Variants in ITGA9 observed in about 807,000 individuals in gnomAD.
ITGA9 encodes the protein integrin alpha-9.
Under a neutral mutation model 127.8 loss-of-function variants are expected in ITGA9, and 56 were observed. The observed-to-expected ratio is 0.44, with a 90% confidence interval of 0.35 to 0.55. ITGA9 has a LOEUF of 0.55. Among genes scored for constraint, ITGA9 ranks in the 20% least tolerant of loss-of-function variants. The pLI is 0.00. For synonymous variants in ITGA9, 508 were observed against 514.5 expected (o/e 0.99, Z 0.17); for missense variants, 1,196 against 1,347.1 (o/e 0.89, Z 1.76).
intron 16 of ITGA9, among the ~76,000 whole-genome samples, chr3:37,644,945 T>G (rs1339926952): frequency 1.3e-5 from 2 of 152,184 alleles, no homozygotes; most frequent in Non-Finnish European, 2.9e-5. Flanking sequence ...CGTTTAGGCA[T>G]GGGGCTGAAT....
intron 15 of ITGA9, among the ~76,000 whole-genome samples, chr3:37,599,299 GTGT>G (rs1699895754): frequency 6.6e-6 from 1 of 152,208 alleles, no homozygotes; most frequent in African/African-American, 2.4e-5. Context: ...GCTCACTCAT[GTGT>G]TAGGGTTCAG....
chr3:37,608,920 C>A (rs1418147615), intron 15 of ITGA9, among the ~76,000 whole-genome samples: 2 of 152,156 alleles, frequency 1.3e-5, no homozygotes, highest in Non-Finnish European at 2.9e-5. Flanking sequence ...CTCCAGATTC[C>A]TTGCACTGGA....
At chr3:37,774,897 A>C (rs1321110730) in intron 23 of ITGA9, among the ~76,000 whole-genome samples, 1 of 152,244 alleles carries the variant, frequency 6.6e-6, no homozygotes, top group Non-Finnish European at 1.5e-5. Context: ...TAAATCCTGG[A>C]ATGTATTCAG....
intron 15 of ITGA9, among the ~76,000 whole-genome samples, chr3:37,583,339 G>A (rs1699727647): frequency 6.6e-6 from 1 of 152,166 alleles, no homozygotes; most frequent in South Asian, 2.1e-4. Context: ...TGTATGTTGA[G>A]CACCTAGAAA....
chr3:37,511,582 A>G lies in ITGA9; in HGVS notation c.898-2181A>G, dbSNP rs72867546. 8.5e-3 allele frequency among the ~76,000 whole-genome samples: 1,301 copies of G among 152,282 alleles called. 14 individuals are homozygous for G. The highest frequency in any genetic ancestry group is 0.029 in the African/African-American group (1,220 of 41,542). ...CTCTTTGGGTCTTTGCCTGTGTCTT[A>G]CTGATTTCTTTTACCAAAGCTCAGA... On this transcript the variant is annotated intron_variant, in intron 8 of 27. Transcript: ENST00000264741.
intron 18 of ITGA9, among the ~76,000 whole-genome samples, chr3:37,690,601 C>G (rs1235916805): frequency 6.6e-6 from 1 of 152,096 alleles, no homozygotes; most frequent in East Asian, 1.9e-4. Context: ...AAGCTTCAAG[C>G]CAGGTGCATG....
At chr3:37,675,853 C>T (rs1206963194) in intron 17 of ITGA9, among the ~76,000 whole-genome samples, 3 of 150,320 alleles carry the variant, frequency 2.0e-5, no homozygotes, top group Non-Finnish European at 4.4e-5. Context: ...CAGCCATTCT[C>T]CTGCCTCAGC....
intron 17 of ITGA9, among the ~76,000 whole-genome samples, chr3:37,669,021 C>G (rs1444710671): frequency 6.6e-6 from 1 of 152,184 alleles, no homozygotes; most frequent in Non-Finnish European, 1.5e-5. Context: ...TTTAACGTGA[C>G]CTGTCCGTAA....
intron 15 of ITGA9, among the ~76,000 whole-genome samples, chr3:37,612,774 C>G (rs1426843063): frequency 6.6e-6 from 1 of 152,212 alleles, no homozygotes; most frequent in Non-Finnish European, 1.5e-5. Flanking sequence ...CATTACTAAT[C>G]TGTGGATAGT....
intron 8 of ITGA9, among the ~76,000 whole-genome samples, chr3:37,513,032 C>T (rs1022732251): frequency 6.6e-6 from 1 of 152,208 alleles, no homozygotes; most frequent in African/African-American, 2.4e-5. Flanking sequence ...CTCATGCCTT[C>T]CTAACCAATC....
intron 3 of ITGA9, among the ~76,000 whole-genome samples, chr3:37,475,413 A>G (rs1339370914): frequency 2.0e-5 from 3 of 152,228 alleles, no homozygotes. Flanking sequence ...GCTTGTTTCC[A>G]GAGGGGCAAG....
In ITGA9 at chr3:37,526,152, C is replaced by G; in HGVS notation, c.1373+81C>G. 18 of 1,207,384 alleles carry G rather than the reference C, an allele frequency of 1.5e-5. 1 individual carries two copies. In the South Asian group the frequency reaches 2.0e-4, roughly 14 times the overall value. The allele number at this position is 1,207,384 out of a possible 1,614,324, so 74.8% of individuals were successfully genotyped here. ...CCATTCACCATTCATGGGCTCTTTC[C>G]TCTGTCCTGTTCCTTGTAGGCTGGA... On this transcript the variant is annotated intron_variant, in intron 13 of 27. Transcript: ENST00000264741.
At chr3:37,545,978 C>A (rs1253834758) in intron 15 of ITGA9, among the ~76,000 whole-genome samples, 3 of 152,178 alleles carry the variant, frequency 2.0e-5, no homozygotes, top group Non-Finnish European at 2.9e-5. Flanking sequence ...TCATGTAGAA[C>A]CATCTACCAC....
chr3:37,595,799 C>T (rs1699864551), intron 15 of ITGA9, among the ~76,000 whole-genome samples: 1 of 152,214 alleles, frequency 6.6e-6, no homozygotes, highest in Non-Finnish European at 1.5e-5. Flanking sequence ...TGTGTGGCAG[C>T]AGAAGGCAAT....
At chr3:37,454,200 C>G (rs1698233241) in intron 1 of ITGA9, among the ~76,000 whole-genome samples, 1 of 152,190 alleles carries the variant, frequency 6.6e-6, no homozygotes, top group Admixed American at 6.5e-5. Context: ...GAGGCTGGCT[C>G]AACTGCCTTG....
Position 37,618,471 on chromosome 3 carries a change from C to G in ITGA9, c.1690-10716C>G, listed in dbSNP as rs191963607. On this transcript the variant is annotated intron_variant, in intron 15 of 27. Transcript: ENST00000264741. ...ATCTCAAGCTGCCTGCTGGGAGAAC[C>G]ACTACTCTCTTCAAAGCTGTCAGAC... 1.0e-3 allele frequency among the ~76,000 whole-genome samples: 159 copies of G among 152,334 alleles called. 6 individuals carry two copies. Among genetic ancestry groups the G allele is most frequent in the Admixed American group, 0.01 (156 of 15,302 alleles).
At chr3:37,625,629 T>C (rs578156520) in intron 15 of ITGA9, among the ~76,000 whole-genome samples, 27 of 152,192 alleles carry the variant, frequency 1.8e-4, no homozygotes, top group Non-Finnish European at 3.4e-4. Flanking sequence ...AGCAGTAAAA[T>C]TTCAGCGACT....
chr3:37,807,810 C>A (rs1697316349), intron 27 of ITGA9: 1 of 152,266 alleles, frequency 6.6e-6, no homozygotes, highest in African/African-American at 2.4e-5. Context: ...CAAGGTAGGA[C>A]AGGCAGGGTT....
chr3:37,752,849 A>T (rs1340091974), intron 23 of ITGA9, among the ~76,000 whole-genome samples: 2 of 152,042 alleles, frequency 1.3e-5, no homozygotes, highest in Non-Finnish European at 2.9e-5. Flanking sequence ...TGGCTTATAT[A>T]TGGGAGGTTT....
Sources: gnomAD v4.1 joint callset for allele counts (sites outside exome capture counted in the v4.1 genomes callset) on GRCh38, gnomAD v4.1.1 for gene constraint, MANE v1.5 for transcripts, NCBI Gene and HGNC (gene_info 2026-07-23, HGNC 2026-07-21) for gene names.